Variants in POU2AF1 observed in about 807,000 individuals in gnomAD.
POU2AF1 encodes the protein POU class 2 homeobox associating factor 1, also known as POU domain class 2-associating factor 1.
Under a neutral mutation model 26.3 loss-of-function variants are expected in POU2AF1, and 12 were observed. That is an observed-to-expected ratio of 0.46 (90% CI 0.29 to 0.74). The LOEUF (loss-of-function observed/expected upper bound fraction) is 0.74, where lower values mean the gene tolerates loss of function less well. Ranked by LOEUF, POU2AF1 falls within the 30% of genes least tolerant of loss-of-function variation. The pLI, the probability that POU2AF1 is intolerant of heterozygous loss-of-function variation, is 0.09. For synonymous variants in POU2AF1, 175 were observed against 148.0 expected, an observed-to-expected ratio of 1.18 and a Z score of -1.32; for missense variants, 297 against 334.5, an observed-to-expected ratio of 0.89 and a Z score of 0.87.
intron 1 of POU2AF1, among the ~76,000 whole-genome samples, chr11:111,374,833 A>T (rs1861278241): frequency 6.6e-6 from 1 of 152,242 alleles, no homozygotes; most frequent in Non-Finnish European, 1.5e-5. Context: ...CTCTCATTGT[A>T]AGTTGTGCTT....
At chr11:111,360,023 G>C (rs773698483) in intron 1 of POU2AF1, 1 of 518,972 alleles carries the variant, frequency 1.9e-6, no homozygotes, top group South Asian at 1.4e-5. Flanking sequence ...CTGAGGGAAG[G>C]TTTCCTTCCC....
intron 1 of POU2AF1, chr11:111,362,986 C>T (rs182339680): frequency 6.5e-6 from 2 of 309,828 alleles, no homozygotes; most frequent in Non-Finnish European, 9.5e-6. Context: ...GACCAGCTGG[C>T]CACTTCCAGG....
At chr11:111,371,544 A>T (rs1861209483) in intron 1 of POU2AF1, among the ~76,000 whole-genome samples, 1 of 152,196 alleles carries the variant, frequency 6.6e-6, no homozygotes, top group Admixed American at 6.5e-5. Flanking sequence ...CAGATTAATC[A>T]TCAGAAGTAA....
chr11:111,375,493 T>C (rs1331745425), intron 1 of POU2AF1, among the ~76,000 whole-genome samples: 1 of 130,912 alleles, frequency 7.6e-6, no homozygotes, highest in East Asian at 2.5e-4. Flanking sequence ...GCCTCCCGGG[T>C]TCATGCCATT....
chr11:111,376,001 T>C (rs149789130), intron 1 of POU2AF1, among the ~76,000 whole-genome samples: 1 of 152,218 alleles, frequency 6.6e-6, no homozygotes, highest in African/African-American at 2.4e-5. Context: ...CAATATCCTA[T>C]CACCCAAGAA....
chr11:111,358,091 C>A (rs1292556569), intron 2 of POU2AF1, among the ~76,000 whole-genome samples: 3 of 152,126 alleles, frequency 2.0e-5, no homozygotes, highest in Non-Finnish European at 2.9e-5. Context: ...CAACTCACAC[C>A]AGGGTATGCA....
At chr11:111,373,471 A>G (rs1379742654) in intron 1 of POU2AF1, among the ~76,000 whole-genome samples, 1 of 152,240 alleles carries the variant, frequency 6.6e-6, no homozygotes, top group East Asian at 1.9e-4. Flanking sequence ...GCCAAGGTAT[A>G]AAAACACTGC....
rs115600434 is a variant in POU2AF1, at chr11:111,365,275, C to T, written c.17-6357G>A. On this transcript the variant is annotated intron_variant, in intron 1 of 4. Coordinates refer to ENST00000393067, the MANE Select transcript of POU2AF1 (RefSeq NM_006235.3). ...TTGCTAACAAATGGCCCTCATGATG[C>T]AAGGGATTCCTTTATGAAGGACATT... 3.2e-3 allele frequency among the ~76,000 whole-genome samples: 481 copies of T among 152,282 alleles called. 2 individuals carry two copies. Among genetic ancestry groups the T allele is most frequent in the African/African-American group, 0.011 (453 of 41,546 alleles).
chr11:111,355,801 G>A (rs751670966), intron 4 of POU2AF1, among the ~76,000 whole-genome samples: 1 of 152,164 alleles, frequency 6.6e-6, no homozygotes, highest in Non-Finnish European at 1.5e-5. Flanking sequence ...CCGGGCTGAG[G>A]TGTACACCCC....
intron 1 of POU2AF1, among the ~76,000 whole-genome samples, chr11:111,367,249 T>C (rs1861122792): frequency 6.6e-6 from 1 of 152,118 alleles, no homozygotes; most frequent in Non-Finnish European, 1.5e-5. Context: ...CATTCTCTGC[T>C]CCCAGGGACT....
At chr11:111,375,474 G>A (rs888800430) in intron 1 of POU2AF1, among the ~76,000 whole-genome samples, 11 of 128,238 alleles carry the variant, frequency 8.6e-5, no homozygotes, top group Non-Finnish European at 1.5e-4. Context: ...TCGGCTCACT[G>A]TAAGCTCCGC....
At position 111,379,271 on chromosome 11, in the gene POU2AF1, C is replaced by G; in HGVS notation, c.-94G>C. 1 of 1,508,294 alleles carries G rather than the reference C, an allele frequency of 6.6e-7. No individual in the cohort carries two copies. The highest frequency in any genetic ancestry group is 1.1e-5 in the South Asian group (1 of 88,896). 93.4% of individuals were successfully genotyped at this position (1,508,294 alleles called of 1,614,324 possible). A position where few individuals can be genotyped will look rare whatever the true frequency, so the allele number is the denominator to read the frequency against. On this transcript the variant is annotated 5_prime_UTR_variant, in exon 1 of 5. Transcript: ENST00000393067. ...GTGTGTTTTCCTCCAGTGGAGCCAC[C>G]GCTTGAGCTGAGGCTGTTTCCTGGG...
intron 1 of POU2AF1, among the ~76,000 whole-genome samples, chr11:111,373,406 G>A (rs968691866): frequency 2.0e-5 from 3 of 152,202 alleles, no homozygotes; most frequent in Non-Finnish European, 4.4e-5. Context: ...GAAGCTCTAG[G>A]TTGAGATCCA....
At chr11:111,375,554 A>T (rs889508835) in intron 1 of POU2AF1, among the ~76,000 whole-genome samples, 9 of 151,540 alleles carry the variant, frequency 5.9e-5, no homozygotes, top group African/African-American at 2.2e-4. Flanking sequence ...CTGCCACCAC[A>T]ACCCCAGCTA....
intron 1 of POU2AF1, among the ~76,000 whole-genome samples, chr11:111,366,013 C>T (rs967974513): frequency 6.6e-6 from 1 of 152,210 alleles, no homozygotes; most frequent in East Asian, 1.9e-4. Flanking sequence ...CTTACAGTTA[C>T]GGTCTGAGTC....
chr11:111,357,330 G>A, intron 4 of POU2AF1, 115 bp downstream of exon 4: 1 of 1,458,444 alleles, frequency 6.9e-7, no homozygotes. Flanking sequence ...GAGCTCTGAT[G>A]ACCTGATTAT....
At chr11:111,365,813 C>G (rs1383361778) in intron 1 of POU2AF1, among the ~76,000 whole-genome samples, 1 of 151,134 alleles carries the variant, frequency 6.6e-6, no homozygotes, top group Non-Finnish European at 1.5e-5. Context: ...GCCAAGATCG[C>G]ACCATTGCAC....
At chr11:111,357,754 T>C (rs377093464) in intron 3 of POU2AF1, 41 bp downstream of exon 3, 23 of 1,612,274 alleles carry the variant, frequency 1.4e-5, no homozygotes, top group Admixed American at 3.3e-5. Flanking sequence ...GCCACCCAGA[T>C]GAGAGGCCTG....
intron 1 of POU2AF1, among the ~76,000 whole-genome samples, chr11:111,375,645 C>G (rs1054384601): frequency 1.2e-4 from 19 of 152,070 alleles, no homozygotes; most frequent in Non-Finnish European, 1.9e-4. Flanking sequence ...GTGATCTGCC[C>G]GCCTTGGCCT....
Sources: allele counts gnomAD v4.1 joint callset (sites outside exome capture counted in the v4.1 genomes callset), GRCh38; gene constraint gnomAD v4.1.1; transcripts MANE v1.5; gene names NCBI Gene and HGNC (gene_info 2026-07-23, HGNC 2026-07-21).